Variants in MDGA2 observed in about 807,000 individuals in gnomAD.
The protein encoded by MDGA2 is MAM domain-containing glycosylphosphatidylinositol anchor protein 2.
A neutral mutation model predicts 117.8 loss-of-function variants in MDGA2; 40 were observed. The observed-to-expected ratio is 0.34, with a 90% CI of 0.26 to 0.44. MDGA2 has a LOEUF of 0.44. MDGA2 is among the 20% of genes least tolerant of loss of function. The pLI is 1.00. For synonymous variants in MDGA2, 452 were observed against 439.0 expected, an observed-to-expected ratio of 1.03 and a Z score of -0.37; for missense variants, 1,123 against 1,250.6, an observed-to-expected ratio of 0.90 and a Z score of 1.54.
At chr14:47,180,905 A>T (rs1396708013) in intron 3 of MDGA2, among the ~76,000 whole-genome samples, 4 of 152,186 alleles carry the variant, frequency 2.6e-5, no homozygotes, top group African/African-American at 9.7e-5. Flanking sequence ...TGGGCGACAG[A>T]GCGAGACTTC....
chr14:47,065,357 C>T (rs1890043301), intron 6 of MDGA2, among the ~76,000 whole-genome samples: 1 of 152,124 alleles, frequency 6.6e-6, no homozygotes, highest in African/African-American at 2.4e-5. Flanking sequence ...AGTATTGAAA[C>T]AGAGGCTACT....
intron 10 of MDGA2, among the ~76,000 whole-genome samples, chr14:46,889,538 G>A (rs59269965): frequency 0.036 from 5,404 of 152,100 alleles, 330 homozygotes; most frequent in African/African-American, 0.12. Context: ...TTCTAGTTGT[G>A]TTCTAGCGTC....
At chr14:47,348,772 A>G (rs1890817189) in intron 1 of MDGA2, among the ~76,000 whole-genome samples, 1 of 152,178 alleles carries the variant, frequency 6.6e-6, no homozygotes, top group South Asian at 2.1e-4. Flanking sequence ...ATTGGTGGCA[A>G]GAACTTAAGA....
chr14:46,948,131 T>TAAAAAAGGA (rs1885239129), intron 9 of MDGA2, among the ~76,000 whole-genome samples: 1 of 152,022 alleles, frequency 6.6e-6, no homozygotes, highest in Non-Finnish European at 1.5e-5. Context: ...ATGCTCTTTT[T>TAAAAAAGGA]TCTTCATCAT....
intron 1 of MDGA2, among the ~76,000 whole-genome samples, chr14:47,598,208 C>T (rs1025610141): frequency 6.6e-6 from 1 of 152,080 alleles, no homozygotes; most frequent in Non-Finnish European, 1.5e-5. Context: ...AATTGCAATC[C>T]TTATGTATTG....
chr14:46,878,737 AT>A (rs1882329737), intron 11 of MDGA2, among the ~76,000 whole-genome samples: 1 of 152,176 alleles, frequency 6.6e-6, no homozygotes, highest in African/African-American at 2.4e-5. Context: ...ATGTATTTTA[AT>A]TTTAAAATTA....
intron 2 of MDGA2, among the ~76,000 whole-genome samples, chr14:47,256,591 A>G (rs888547784): frequency 1.1e-4 from 17 of 152,162 alleles, no homozygotes; most frequent in African/African-American, 4.1e-4. Flanking sequence ...GCTAAACAAA[A>G]TGTCATTTCT....
intron 3 of MDGA2, among the ~76,000 whole-genome samples, chr14:47,165,427 T>TA (rs1359009078): frequency 6.6e-6 from 1 of 151,958 alleles, no homozygotes; most frequent in Non-Finnish European, 1.5e-5. Flanking sequence ...TGGTATTACT[T>TA]AGCCTTTCTT....
At chr14:46,888,043 C>T (rs889776169) in intron 10 of MDGA2, among the ~76,000 whole-genome samples, 3 of 151,716 alleles carry the variant, frequency 2.0e-5, no homozygotes, top group African/African-American at 4.8e-5. Flanking sequence ...TCAGGAGATA[C>T]GTTGATGTTG....
chr14:47,457,225 T>G (rs778917646), intron 1 of MDGA2, among the ~76,000 whole-genome samples: 1 of 152,220 alleles, frequency 6.6e-6, no homozygotes, highest in South Asian at 2.1e-4. Flanking sequence ...AAAGGAAATA[T>G]TAGTCACATA....
At chr14:47,574,134 A>G (rs1896071067) in intron 1 of MDGA2, among the ~76,000 whole-genome samples, 1 of 152,180 alleles carries the variant, frequency 6.6e-6, no homozygotes, top group African/African-American at 2.4e-5. Flanking sequence ...CTTTTTTTAC[A>G]TGCTAGAGTC....
intron 1 of MDGA2, among the ~76,000 whole-genome samples, chr14:47,628,084 G>A (rs528510375): frequency 6.6e-6 from 1 of 152,278 alleles, no homozygotes; most frequent in East Asian, 1.9e-4. Flanking sequence ...GGTAGAAAAG[G>A]AGCGAACCTG....
At chr14:47,490,555 C>T (rs2138652410) in intron 1 of MDGA2, among the ~76,000 whole-genome samples, 1 of 152,126 alleles carries the variant, frequency 6.6e-6, no homozygotes, top group South Asian at 2.1e-4. Context: ...ATCACATTAA[C>T]TCAGTAATTG....
chr14:47,544,112 T>A (rs1234224608), intron 1 of MDGA2, among the ~76,000 whole-genome samples: 1 of 152,158 alleles, frequency 6.6e-6, no homozygotes, highest in East Asian at 1.9e-4. Context: ...TCCACACATT[T>A]GAAATATAAA....
At chr14:46,915,668 A>AG (rs1326062845) in intron 10 of MDGA2, among the ~76,000 whole-genome samples, 1 of 152,198 alleles carries the variant, frequency 6.6e-6, no homozygotes, top group African/African-American at 2.4e-5. Flanking sequence ...CTTGAAGTTC[A>AG]GCAGTCCCTC....
intron 3 of MDGA2, among the ~76,000 whole-genome samples, chr14:47,168,056 C>T (rs932805): frequency 0.015 from 2,352 of 152,194 alleles, 32 homozygotes; most frequent in Non-Finnish European, 0.025. Context: ...ACATATTAGA[C>T]ATCTGTTACA....
intron 7 of MDGA2, among the ~76,000 whole-genome samples, chr14:47,051,548 A>G (rs1889457851): frequency 6.6e-6 from 1 of 151,908 alleles, no homozygotes; most frequent in Non-Finnish European, 1.5e-5. Flanking sequence ...CTGAAAAGAT[A>G]TTTATTGGCA....
intron 10 of MDGA2, among the ~76,000 whole-genome samples, chr14:46,887,495 A>T (rs1280832456): frequency 6.6e-6 from 1 of 151,988 alleles, no homozygotes. Context: ...TGATAAAAAT[A>T]TGATGAAATT....
intron 1 of MDGA2, among the ~76,000 whole-genome samples, chr14:47,403,056 G>C (rs1339685237): frequency 2.6e-5 from 4 of 152,112 alleles, no homozygotes; most frequent in Admixed American, 2.0e-4. Context: ...AAAAACAGCA[G>C]ACTTTCTCTC....
Sources: allele counts gnomAD v4.1 joint callset (sites outside exome capture counted in the v4.1 genomes callset), GRCh38; gene constraint gnomAD v4.1.1; transcripts MANE v1.5; gene names NCBI Gene and HGNC (gene_info 2026-07-23, HGNC 2026-07-21).